Variants in OPA1 observed in about 807,000 individuals in gnomAD.
OPA1 encodes dynamin-like GTPase OPA1, mitochondrial.
A neutral mutation model predicts 152.9 loss-of-function variants in OPA1; 59 were observed. That is an observed-to-expected ratio of 0.39 (90% CI 0.31 to 0.48). The LOEUF (loss-of-function observed/expected upper bound fraction) is 0.48, where lower values mean the gene tolerates loss of function less well. OPA1 is among the 20% of genes least tolerant of loss of function. The pLI, the probability that OPA1 is intolerant of heterozygous loss-of-function variation, is 0.96. For missense variants in OPA1, 1,008 were observed against 1,216.8 expected, an observed-to-expected ratio of 0.83 and a Z score of 2.55; for synonymous variants, 400 against 389.9, an observed-to-expected ratio of 1.03 and a Z score of -0.31.
chr3:193,672,868 CAAAA>C (rs10713785), intron 29 of OPA1, among the ~76,000 whole-genome samples: 4 of 106,082 alleles, frequency 3.8e-5, no homozygotes, highest in Admixed American at 9.1e-5. Flanking sequence ...GACTCCATCT[CAAAA>C]AAAAAAAAAA....
At chr3:193,596,365 A>ATTCTTTTC (rs1560301601) in intron 1 of OPA1, among the ~76,000 whole-genome samples, 2 of 68,078 alleles carry the variant, frequency 2.9e-5, no homozygotes, top group East Asian at 5.2e-4. Flanking sequence ...TCTTTTCTTA[A>ATTCTTTTC]TTTTCTTTTC....
chr3:193,661,821 G>A (rs932394836), intron 25 of OPA1, among the ~76,000 whole-genome samples: 1 of 152,112 alleles, frequency 6.6e-6, no homozygotes, highest in Non-Finnish European at 1.5e-5. Flanking sequence ...CATTACCAGC[G>A]ATTTCCTTTC....
intron 29 of OPA1, among the ~76,000 whole-genome samples, chr3:193,688,576 T>A (rs1172393190): frequency 1.4e-5 from 2 of 148,122 alleles, no homozygotes; most frequent in Non-Finnish European, 3.0e-5. Context: ...CTCCCGATTC[T>A]CCCTGAAATG....
At chr3:193,644,598 T>C (rs763703779) in intron 16 of OPA1, among the ~76,000 whole-genome samples, 10 of 152,204 alleles carry the variant, frequency 6.6e-5, no homozygotes, top group Non-Finnish European at 1.5e-4. Flanking sequence ...TTAAGGACAG[T>C]AGTCTCAGGC....
At chr3:193,610,476 G>A (rs571238962) in intron 1 of OPA1, among the ~76,000 whole-genome samples, 111 of 152,270 alleles carry the variant, frequency 7.3e-4, no homozygotes, top group Non-Finnish European at 8.7e-4. Context: ...TAGGCTATTC[G>A]GGGGTCAGGG....
chr3:193,646,019 T>C (rs181634943), intron 18 of OPA1, among the ~76,000 whole-genome samples: 1 of 152,182 alleles, frequency 6.6e-6, no homozygotes, highest in East Asian at 1.9e-4. Flanking sequence ...ACTGGCATGC[T>C]TCCTTGGACG....
At chr3:193,645,517 A>C (rs368072286) in intron 16 of OPA1, 36 bp from the exon 17 acceptor site, 6 of 1,511,002 alleles carry the variant, frequency 4.0e-6, no homozygotes, top group African/African-American at 2.7e-5. Flanking sequence ...TATGTAAACT[A>C]TATCTCACAT....
At chr3:193,600,735 T>A (rs1412317207) in intron 1 of OPA1, among the ~76,000 whole-genome samples, 1 of 152,188 alleles carries the variant, frequency 6.6e-6, no homozygotes, top group Non-Finnish European at 1.5e-5. Context: ...CATAATAACT[T>A]GAAAACCTGC....
intron 27 of OPA1, among the ~76,000 whole-genome samples, chr3:193,665,941 G>A (rs974413670): frequency 6.6e-6 from 1 of 152,110 alleles, no homozygotes; most frequent in African/African-American, 2.4e-5. Flanking sequence ...ACCTAAGGAC[G>A]TATTTAAGAT....
At chr3:193,629,713 A>T (rs560358966) in intron 7 of OPA1, among the ~76,000 whole-genome samples, 2 of 152,102 alleles carry the variant, frequency 1.3e-5, no homozygotes, top group Non-Finnish European at 2.9e-5. Flanking sequence ...ACCTTATATC[A>T]TTTTAACTTT....
intron 7 of OPA1, among the ~76,000 whole-genome samples, chr3:193,630,057 C>G (rs767654869): frequency 1.3e-5 from 2 of 152,108 alleles, no homozygotes; most frequent in Non-Finnish European, 2.9e-5. Context: ...TATGACCACA[C>G]TATTACAGTG....
intron 25 of OPA1, among the ~76,000 whole-genome samples, chr3:193,662,408 A>C (rs1416698150): frequency 6.6e-6 from 1 of 152,222 alleles, no homozygotes. Flanking sequence ...TCTTAAGTAT[A>C]GTTCTTAGAT....
intron 1 of OPA1, among the ~76,000 whole-genome samples, chr3:193,610,031 C>T (rs1051654481): frequency 2.0e-5 from 3 of 152,220 alleles, no homozygotes; most frequent in African/African-American, 4.8e-5. Flanking sequence ...CTTCTTCTCT[C>T]AGCTCGTCAA....
In OPA1 at chr3:193,666,147, T is replaced by C. The variant is rs74450886; in HGVS notation, c.2779-149T>C. On this transcript the variant is annotated intron_variant, in intron 27 of 30. Coordinates refer to ENST00000361510, the MANE Select transcript of OPA1 (RefSeq NM_130837.3). Reference sequence around the variant, plus strand: ...ATGGCTCCGTACAGAAAGGATTCTGTAGCTTATATCTACAGTATATGCATT... The same window carrying C: ...ATGGCTCCGTACAGAAAGGATTCTGCAGCTTATATCTACAGTATATGCATT... 2,982 of 703,780 alleles carry C rather than the reference T, an allele frequency of 4.2e-3. 34 individuals carry two copies. Among genetic ancestry groups the C allele is most frequent in the East Asian group, 0.022 (811 of 36,928 alleles). The allele number at this position is 703,780 out of a possible 1,614,324, so 43.6% of individuals were successfully genotyped here.
chr3:193,595,852 C>G (rs1725397659), intron 1 of OPA1, among the ~76,000 whole-genome samples: 1 of 152,084 alleles, frequency 6.6e-6, no homozygotes, highest in Admixed American at 6.5e-5. Flanking sequence ...TAGTGGTCCT[C>G]TTAGATTGAT....
intron 10 of OPA1, 123 bp from the exon 11 acceptor site, chr3:193,637,829 A>G (rs1030769343): frequency 1.2e-6 from 1 of 815,162 alleles, no homozygotes; most frequent in African/African-American, 1.7e-5. Flanking sequence ...ACGGATTTTA[A>G]AATATTTTTT....
chr3:193,669,134 A>G (rs1717351471), intron 29 of OPA1, among the ~76,000 whole-genome samples: 1 of 152,256 alleles, frequency 6.6e-6, no homozygotes, highest in Non-Finnish European at 1.5e-5. Flanking sequence ...GTAGGATTAC[A>G]GTACAATCCA....
At chr3:193,685,933 C>T (rs1186235425) in intron 29 of OPA1, among the ~76,000 whole-genome samples, 1 of 152,112 alleles carries the variant, frequency 6.6e-6, no homozygotes, top group Non-Finnish European at 1.5e-5. Context: ...ACGGCGAATA[C>T]AACATTGTCA....
chr3:193,688,720 C>T (rs974373205), intron 29 of OPA1, among the ~76,000 whole-genome samples: 1 of 151,924 alleles, frequency 6.6e-6, no homozygotes, highest in African/African-American at 2.4e-5. Context: ...TAGCTCACGC[C>T]CTGTAATTCC....
Sources: allele counts gnomAD v4.1 joint callset (sites outside exome capture counted in the v4.1 genomes callset), GRCh38; gene constraint gnomAD v4.1.1; transcripts MANE v1.5; gene names NCBI Gene and HGNC (gene_info 2026-07-23, HGNC 2026-07-21).